The following OR1L8 variants were observed in gnomAD, a reference collection of about 807,000 sequenced individuals.
OR1L8 encodes the protein olfactory receptor family 1 subfamily L member 8, also known as olfactory receptor 1L8.
For missense variants in OR1L8, 330 were observed against 377.4 expected (o/e 0.87, Z 1.04); for synonymous variants, 148 against 147.0 (o/e 1.01, Z -0.05).
At position 122,567,853 on chromosome 9, in the gene OR1L8, C is replaced by A; in HGVS notation, c.625G>T (p.Val209Leu). 2 of 1,613,976 alleles carry A rather than the reference C, an allele frequency of 1.2e-6. No individual in the cohort carries two copies. Residue 209 changes from valine to leucine, a missense_variant, in exon 5 of 5, where the codon GTG becomes TTG. By Grantham distance (32) the Val-to-Leu change is conservative (BLOSUM62 1). Coordinates refer to ENST00000641027, the MANE Select transcript of OR1L8 (RefSeq NM_001004454.2). ...VQMTEAPIVL[V>L]TRFLCIAFSY... Reference sequence around the variant, plus strand: ...AAAGCAATGCAGAGAAAACGAGTCACCAAAACAATAGGTGCTTCTGTCATC... The same window carrying A: ...AAAGCAATGCAGAGAAAACGAGTCAACAAAACAATAGGTGCTTCTGTCATC...
the OR1L8 span, among the ~76,000 whole-genome samples, chr9:122,556,376 A>G: frequency 1.3e-5 from 2 of 152,010 alleles, no homozygotes; most frequent in African/African-American, 4.8e-5. Flanking sequence ...CTTTGTCAAA[A>G]ATCAGTTGAC....
At chr9:122,547,071 A>T in the OR1L8 span, among the ~76,000 whole-genome samples, 1 of 152,074 alleles carries the variant, frequency 6.6e-6, no homozygotes, top group East Asian at 1.9e-4. Flanking sequence ...GTAATCAAAA[A>T]TAATTTTTTT....
Position 122,567,619 on chromosome 9 carries a change from G to A in OR1L8, c.859C>T (p.Pro287Ser), listed in dbSNP as rs1315338696. 3.1e-6 allele frequency: 5 copies of A among 1,613,694 alleles called. No individual in the cohort carries two copies. Among genetic ancestry groups the A allele is most frequent in the Middle Eastern group, 1.7e-4 (1 of 6,060 alleles). ...TTGTTTCTCAGGCTGTAGATAAAAG[G>A]ATTGAGCATGGATGACAAAACTGTG... ...VYTVLSSMLN[P>S]FIYSLRNKDL... Residue 287 changes from proline to serine, a missense_variant, in exon 5 of 5, where the codon CCT becomes TCT. Coordinates refer to ENST00000641027, the MANE Select transcript of OR1L8 (RefSeq NM_001004454.2).
chr9:122,552,529 A>G, the OR1L8 span, among the ~76,000 whole-genome samples: 2 of 151,904 alleles, frequency 1.3e-5, no homozygotes, highest in African/African-American at 4.8e-5. Context: ...TCCCTGTCCT[A>G]TTTGTATGCG....
At chr9:122,576,602 A>G (rs1829661552) in intron 3 of OR1L8, among the ~76,000 whole-genome samples, 164 bp downstream of exon 3, 1 of 152,086 alleles carries the variant, frequency 6.6e-6, no homozygotes, top group African/African-American at 2.4e-5. Flanking sequence ...TATTATGAAT[A>G]CTGTATATAT....
chr9:122,573,424 TTA>T (rs1215349681), intron 3 of OR1L8, among the ~76,000 whole-genome samples: 4 of 152,234 alleles, frequency 2.6e-5, no homozygotes, highest in Admixed American at 6.5e-5. Context: ...TTAGGAATGT[TTA>T]TGTTTGGCCA....
At chr9:122,575,331 T>C (rs1490661112) in intron 3 of OR1L8, among the ~76,000 whole-genome samples, 1 of 152,140 alleles carries the variant, frequency 6.6e-6, no homozygotes, top group Non-Finnish European at 1.5e-5. Context: ...TGCTTTCTGC[T>C]TTGGGAGTTT....
chr9:122,565,136 A>T (rs1829408309), downstream of OR1L8, among the ~76,000 whole-genome samples: 1 of 152,214 alleles, frequency 6.6e-6, no homozygotes, highest in Non-Finnish European at 1.5e-5. Context: ...TACACCCAAG[A>T]GAGAGGCACT....
intron 4 of OR1L8, among the ~76,000 whole-genome samples, chr9:122,569,123 A>T (rs561780954): frequency 6.6e-6 from 1 of 152,074 alleles, no homozygotes; most frequent in South Asian, 2.1e-4. Context: ...AACGCAGTCA[A>T]TAGAGTGATT....
At chr9:122,572,400 TTTGGGTTAA>T (rs910750916) in intron 4 of OR1L8, among the ~76,000 whole-genome samples, 1 of 152,044 alleles carries the variant, frequency 6.6e-6, no homozygotes, top group Non-Finnish European at 1.5e-5. Context: ...ATAGTGGAGA[TTTGGGTTAA>T]GTGGGTTTGG....
At chr9:122,569,786 G>A (rs774427665) in intron 4 of OR1L8, among the ~76,000 whole-genome samples, 3 of 151,880 alleles carry the variant, frequency 2.0e-5, no homozygotes, top group East Asian at 1.9e-4. Flanking sequence ...CCATTAACTC[G>A]TCATTTAGCA....
intron 4 of OR1L8, among the ~76,000 whole-genome samples, chr9:122,570,365 A>G (rs1829522908): frequency 6.6e-6 from 1 of 152,200 alleles, no homozygotes; most frequent in South Asian, 2.1e-4. Flanking sequence ...TTACAGCAGT[A>G]TATTCTTTTA....
At chr9:122,571,132 T>G (rs185456558) in intron 4 of OR1L8, among the ~76,000 whole-genome samples, 1 of 152,298 alleles carries the variant, frequency 6.6e-6, no homozygotes, top group Admixed American at 6.5e-5. Flanking sequence ...ACAAACTTTC[T>G]TGTCCCATGT....
chr9:122,563,184 A>ATTTTTT (rs61467780), downstream of OR1L8, among the ~76,000 whole-genome samples: 1 of 149,364 alleles, frequency 6.7e-6, no homozygotes. Context: ...AGCATTTGTT[A>ATTTTTT]TTTTTTTTTT....
chr9:122,561,543 T>C, the OR1L8 span, among the ~76,000 whole-genome samples: 2 of 152,296 alleles, frequency 1.3e-5, no homozygotes, highest in South Asian at 4.1e-4. Flanking sequence ...TTTTTGTTCA[T>C]GCTGTTGTTG....
intron 1 of OR1L8, among the ~76,000 whole-genome samples, chr9:122,580,821 G>A (rs1441036597): frequency 6.6e-6 from 1 of 151,838 alleles, no homozygotes; most frequent in Non-Finnish European, 1.5e-5. Context: ...TTTGTTCTAG[G>A]CTGAAGCTAC....
At chr9:122,576,482 G>A (rs1367150076) in intron 3 of OR1L8, among the ~76,000 whole-genome samples, 3 of 151,446 alleles carry the variant, frequency 2.0e-5, no homozygotes, top group South Asian at 2.1e-4. Context: ...TGATCTGCCC[G>A]CCTTGGCCTC....
chr9:122,567,347 C>T lies in OR1L8; in HGVS notation c.*201G>A. On this transcript the variant is annotated 3_prime_UTR_variant, in exon 5 of 5. Transcript: ENST00000641027. ...AAATCTTTCCAAGAAAGAGGAGACA[C>T]AGACAGGAAACGATTGTGATTTAAG... is the stretch of plus-strand genomic sequence containing the variant. 2.3e-6 allele frequency: 1 copy of T among 437,078 alleles called. No individual in the cohort carries two copies. The highest frequency in any genetic ancestry group is 4.0e-6 in the Non-Finnish European group (1 of 248,984). The allele number at this position is 437,078 out of a possible 1,614,324, so 27.1% of individuals were successfully genotyped here.
At chr9:122,563,508 A>G (rs978389411), downstream of OR1L8, among the ~76,000 whole-genome samples, 46 of 152,178 alleles carry the variant, frequency 3.0e-4, no homozygotes, top group African/African-American at 1.1e-3. Flanking sequence ...TATTCCACAT[A>G]TTAACCTCTT....
Sources: allele counts gnomAD v4.1 joint callset (sites outside exome capture counted in the v4.1 genomes callset), GRCh38; gene constraint gnomAD v4.1.1; transcripts MANE v1.5; gene names NCBI Gene and HGNC (gene_info 2026-07-23, HGNC 2026-07-21).